Variants in NEK4 observed in about 807,000 individuals in gnomAD.
NEK4 encodes serine/threonine-protein kinase Nek4.
Under a neutral mutation model 98.4 loss-of-function variants are expected in NEK4, and 86 were observed. The observed-to-expected ratio is 0.87, with a 90% CI of 0.73 to 1.05. The LOEUF is 1.05. Ranked by LOEUF, NEK4 falls within the 50% of genes least tolerant of loss-of-function variation. The pLI, the probability that NEK4 is intolerant of heterozygous loss-of-function variation, is 0.00. For synonymous variants in NEK4, 328 were observed against 342.2 expected (o/e 0.96, Z 0.46); for missense variants, 898 against 950.3 (o/e 0.94, Z 0.72).
chr3:52,750,247 G>A (rs908068223), intron 7 of NEK4, among the ~76,000 whole-genome samples: 2 of 152,058 alleles, frequency 1.3e-5, no homozygotes, highest in Non-Finnish European at 2.9e-5. Context: ...CTGATGAATG[G>A]ATGAATAAAA....
intron 15 of NEK4, among the ~76,000 whole-genome samples, chr3:52,724,705 G>C (rs2097362993): frequency 6.6e-6 from 1 of 152,158 alleles, no homozygotes. Context: ...AGGGTACAAG[G>C]TTCAGTTATA....
rs999161247 is a variant in NEK4 at position 52,754,648 on chromosome 3, G to T, written c.964-2312C>A. 16 of 684,568 alleles carry T rather than the reference G, an allele frequency of 2.3e-5. No homozygotes were observed. In the African/African-American group the frequency reaches 2.7e-4, roughly 11 times the overall value. The allele number at this position is 684,568 out of a possible 1,614,324, so 42.4% of individuals were successfully genotyped here. A position where few individuals can be genotyped will look rare whatever the true frequency, so the allele number is the denominator to read the frequency against. On this transcript the variant is annotated intron_variant, in intron 6 of 15. Transcript: ENST00000233027. ...GCCGGCCTGTCATAGGTAAAGCCTG[G>T]CTCAGTACAATCTTTCAGTAAAGAA...
chr3:52,770,837 G>GGGCAGTGGGGGCGGCGGTTGA lies in NEK4; in HGVS notation c.-92_-91insTCAACCGCCGCCCCCACTGCC. 8.8e-7 allele frequency: 1 copy of GGGCAGTGGGGGCGGCGGTTGA among 1,131,002 alleles called. No individual in the cohort carries two copies. Among genetic ancestry groups the GGGCAGTGGGGGCGGCGGTTGA allele is most frequent in the Non-Finnish European group, 1.3e-6 (1 of 782,040 alleles). The allele number at this position is 1,131,002 out of a possible 1,614,324, so 70.1% of individuals were successfully genotyped here. On this transcript the variant is annotated 5_prime_UTR_variant, in exon 1 of 16. Transcript: ENST00000233027. ...AGAAGCTCGGTTCATGCCCGAGAGG[G>GGGCAGTGGGGGCGGCGGTTGA]GGCAGTGGGGGCGGCTGTTGAGGCA... is the stretch of plus-strand genomic sequence containing the variant.
At chr3:52,762,610 T>C (rs1698397973) in intron 5 of NEK4, among the ~76,000 whole-genome samples, 1 of 152,238 alleles carries the variant, frequency 6.6e-6, no homozygotes, top group African/African-American at 2.4e-5. Context: ...TATTTTGGGC[T>C]AAGGTTCTTT....
intron 7 of NEK4, among the ~76,000 whole-genome samples, chr3:52,751,422 C>T (rs1178541257): frequency 6.8e-6 from 1 of 147,916 alleles, no homozygotes; most frequent in Non-Finnish European, 1.5e-5. Context: ...CGCCACTGCA[C>T]TCCAGCCTGG....
chr3:52,738,609 C>A (rs2097380388), intron 14 of NEK4, among the ~76,000 whole-genome samples: 1 of 151,960 alleles, frequency 6.6e-6, no homozygotes, highest in African/African-American at 2.4e-5. Flanking sequence ...AGCCACTATG[C>A]CTGGCTAATT....
intron 3 of NEK4, 58 bp from the exon 4 acceptor site, chr3:52,766,052 C>T (rs1193734255): frequency 1.4e-6 from 2 of 1,450,950 alleles, no homozygotes; most frequent in Non-Finnish European, 1.9e-6. Flanking sequence ...ACATTTTTTT[C>T]CCTTTAAAAA....
Position 52,720,057 on chromosome 3 carries a change from C to T in NEK4, c.2434-8188G>A, listed in dbSNP as rs202205816. Among the ~76,000 whole-genome samples, 7 of 152,058 alleles carry T rather than the reference C, an allele frequency of 4.6e-5. No individual in the cohort carries two copies. In the East Asian group the frequency reaches 7.7e-4, roughly 17 times the overall value. On this transcript the variant is annotated intron_variant, in intron 15 of 15. Transcript: ENST00000233027. ...CAGCACTTTGGGAGGCCGAGGTGGGCGAATCACTTGAGGTCAGAAGTAAAA... is the reference window on the plus strand; with the variant it reads ...CAGCACTTTGGGAGGCCGAGGTGGGTGAATCACTTGAGGTCAGAAGTAAAA...
At chr3:52,757,808 C>T (rs987539061) in intron 6 of NEK4, among the ~76,000 whole-genome samples, 3 of 152,130 alleles carry the variant, frequency 2.0e-5, no homozygotes, top group Non-Finnish European at 4.4e-5. Flanking sequence ...CGAAATAAGG[C>T]AGTCATGAAA....
At chr3:52,726,723 T>C (rs1157240796) in intron 15 of NEK4, among the ~76,000 whole-genome samples, 3 of 151,654 alleles carry the variant, frequency 2.0e-5, no homozygotes, top group South Asian at 2.1e-4. Flanking sequence ...CTGGCCAAGA[T>C]GGTGAAACCC....
chr3:52,740,722 G>A (rs1162570745), intron 13 of NEK4, among the ~76,000 whole-genome samples: 2 of 152,062 alleles, frequency 1.3e-5, no homozygotes, highest in African/African-American at 2.4e-5. Context: ...AACTCAGGAG[G>A]CAGAGGTTGC....
intron 15 of NEK4, among the ~76,000 whole-genome samples, chr3:52,734,172 C>T (rs2097372669): frequency 1.3e-5 from 2 of 152,000 alleles, no homozygotes; most frequent in Admixed American, 6.6e-5. Context: ...ACAGGCCAGG[C>T]GCGGTGGCTC....
intron 15 of NEK4, among the ~76,000 whole-genome samples, chr3:52,722,603 CTTA>C (rs2154102285): frequency 6.6e-6 from 1 of 152,240 alleles, no homozygotes; most frequent in East Asian, 1.9e-4. Flanking sequence ...AGATGGCAGA[CTTA>C]TTAGAAAATG....
At position 52,770,637 on chromosome 3, in the gene NEK4, G is replaced by C; in HGVS notation, c.93+17C>G. On this transcript the variant is annotated intron_variant, in intron 1 of 15. Coordinates refer to ENST00000233027, the MANE Select transcript of NEK4 (RefSeq NM_003157.6). ...TCTGCCCGCCCCCGCCCCTTGCCGG[G>C]CCCCACCCCTGCAGACCTGCTTGCC... The C allele has an allele frequency of 1.3e-6, 2 of 1,535,722 alleles. No individual in the cohort carries two copies. Among genetic ancestry groups the C allele is most frequent in the South Asian group, 1.2e-5 (1 of 83,658 alleles).
At chr3:52,741,926 C>G (rs562460746) in intron 12 of NEK4, among the ~76,000 whole-genome samples, 1 of 152,108 alleles carries the variant, frequency 6.6e-6, no homozygotes, top group South Asian at 2.1e-4. Context: ...ATTACAGGCA[C>G]GTGCCGCAAC....
chr3:52,760,144 G>A (rs1006209055), intron 6 of NEK4, among the ~76,000 whole-genome samples: 1 of 152,188 alleles, frequency 6.6e-6, no homozygotes, highest in Non-Finnish European at 1.5e-5. Flanking sequence ...ACATAGAAGT[G>A]ACGGTTGCAC....
chr3:52,746,605 T>A (rs903104324), intron 9 of NEK4, 129 bp downstream of exon 9: 1 of 786,690 alleles, frequency 1.3e-6, no homozygotes, highest in African/African-American at 1.7e-5. Context: ...ATTTAGCATC[T>A]TGCCATTGTC....
At chr3:52,768,816 G>A (rs1429078271) in intron 1 of NEK4, among the ~76,000 whole-genome samples, 1 of 152,002 alleles carries the variant, frequency 6.6e-6, no homozygotes, top group Admixed American at 6.6e-5. Flanking sequence ...GCAGTGTAGG[G>A]CCACAAAAAT....
chr3:52,718,158 T>G (rs2097356898), intron 15 of NEK4, among the ~76,000 whole-genome samples: 1 of 152,014 alleles, frequency 6.6e-6, no homozygotes. Flanking sequence ...TTTTCCCACT[T>G]CCTACTTAGC....
Sources: gnomAD v4.1 joint callset for allele counts (sites outside exome capture counted in the v4.1 genomes callset) on GRCh38, gnomAD v4.1.1 for gene constraint, MANE v1.5 for transcripts, NCBI Gene and HGNC (gene_info 2026-07-23, HGNC 2026-07-21) for gene names.